Variants in KCNH7 observed in about 807,000 individuals in gnomAD.
KCNH7 encodes potassium voltage-gated channel subfamily H member 7.
Under a neutral mutation model 120.8 loss-of-function variants are expected in KCNH7, and 49 were observed. The ratio of observed to expected loss-of-function variants is 0.41; its 90% CI spans 0.32 to 0.51. The LOEUF (loss-of-function observed/expected upper bound fraction) is 0.51. Among genes scored for constraint, KCNH7 ranks in the 20% least tolerant of loss-of-function variants. The probability of loss-of-function intolerance (pLI) is 0.38; values close to 1 mark genes in which losing one functional copy is unlikely to be tolerated. For synonymous variants in KCNH7, 547 were observed against 516.1 expected (o/e 1.06, Z -0.81); for missense variants, 1,097 against 1,446.6 (o/e 0.76, Z 3.92).
chr2:162,789,773 GA>G (rs1683855300), intron 2 of KCNH7, among the ~76,000 whole-genome samples: 1 of 151,984 alleles, frequency 6.6e-6, no homozygotes, highest in Non-Finnish European at 1.5e-5. Flanking sequence ...AATCAGAGAA[GA>G]AAGCAAAAGA....
At chr2:162,785,052 G>A (rs755631273) in intron 2 of KCNH7, 1 of 152,200 alleles carries the variant, frequency 6.6e-6, no homozygotes, top group Admixed American at 6.5e-5. Flanking sequence ...TCATGGAGCT[G>A]TTTTGGAGGG....
At chr2:162,654,365 A>C (rs1375599793) in intron 2 of KCNH7, among the ~76,000 whole-genome samples, 5 of 152,092 alleles carry the variant, frequency 3.3e-5, no homozygotes. Flanking sequence ...TCAAAAAAAA[A>C]CATAGAAATG....
chr2:162,504,485 C>G lies in KCNH7; in HGVS notation c.1086G>C (p.Lys362Asn). The G allele has an allele frequency of 1.2e-6, 2 of 1,612,992 alleles. No individual in the cohort carries two copies. The highest frequency in any genetic ancestry group is 2.2e-5 in the South Asian group (2 of 91,056). Residue 362 changes from lysine (K) to asparagine (N), a missense_variant, in exon 6 of 16, where the codon AAG becomes AAC. Around this residue, in one of 8 missense-constraint regions of KCNH7, gnomAD observed 362 missense variants for 372.2 expected, o/e 0.97. Transcript: ENST00000332142. ...PSSDKTIIAP[K>N]VKDRTHNVTE... ...TCACATTGTGTGTTCGATCTTTAAC[C>G]TTGGGTGCAATAATGGTTTTATCTG... is the stretch of plus-strand genomic sequence containing the variant.
intron 6 of KCNH7, among the ~76,000 whole-genome samples, chr2:162,489,790 T>C (rs1690228223): frequency 6.6e-6 from 1 of 152,176 alleles, no homozygotes; most frequent in Non-Finnish European, 1.5e-5. Flanking sequence ...AAACATTGGA[T>C]AGGAATTTCT....
chr2:162,686,984 T>C (rs540803302), intron 2 of KCNH7, among the ~76,000 whole-genome samples: 6 of 152,258 alleles, frequency 3.9e-5, no homozygotes, highest in Admixed American at 6.6e-5. Context: ...TTGTGGCTGC[T>C]AACAGTCCCC....
chr2:162,447,786 C>A (rs1573969477), intron 6 of KCNH7, among the ~76,000 whole-genome samples: 1 of 151,886 alleles, frequency 6.6e-6, no homozygotes, highest in East Asian at 1.9e-4. Context: ...TATCTCGTAC[C>A]TTTTTATCCC....
At chr2:162,743,416 T>C in intron 2 of KCNH7, among the ~76,000 whole-genome samples, 1 of 151,960 alleles carries the variant, frequency 6.6e-6, no homozygotes, top group East Asian at 1.9e-4. Context: ...TAAATAAAAG[T>C]GACAAACCAG....
At chr2:162,800,820 C>G (rs542385454) in intron 2 of KCNH7, among the ~76,000 whole-genome samples, 1 of 151,990 alleles carries the variant, frequency 6.6e-6, no homozygotes, top group African/African-American at 2.4e-5. Context: ...GCAGAACTCC[C>G]ACCTTTAGAG....
chr2:162,827,676 T>C (rs1034002949), intron 2 of KCNH7, among the ~76,000 whole-genome samples: 5 of 152,206 alleles, frequency 3.3e-5, no homozygotes, highest in Non-Finnish European at 7.3e-5. Flanking sequence ...AAATACAGAA[T>C]AGAGTAGGTT....
intron 6 of KCNH7, among the ~76,000 whole-genome samples, chr2:162,472,250 A>G (rs1689569004): frequency 1.3e-5 from 2 of 152,238 alleles, no homozygotes; most frequent in African/African-American, 4.8e-5. Context: ...GATCTAATTA[A>G]ACTAAAGAGC....
intron 6 of KCNH7, among the ~76,000 whole-genome samples, chr2:162,484,960 T>G (rs1690047401): frequency 6.6e-6 from 1 of 152,144 alleles, no homozygotes; most frequent in Non-Finnish European, 1.5e-5. Flanking sequence ...AGCGAATAAA[T>G]TTTTTTAAAA....
chr2:162,490,190 G>A (rs770613196), intron 6 of KCNH7, among the ~76,000 whole-genome samples: 51 of 152,234 alleles, frequency 3.4e-4, no homozygotes, highest in Non-Finnish European at 6.3e-4. Context: ...TGCACAGGAA[G>A]ATTGCCCAAA....
chr2:162,508,712 A>G (rs1251813370), intron 5 of KCNH7, among the ~76,000 whole-genome samples: 6 of 151,534 alleles, frequency 4.0e-5, no homozygotes, highest in Non-Finnish European at 8.9e-5. Context: ...ATAAAGGACC[A>G]GAATGCAGGG....
intron 5 of KCNH7, among the ~76,000 whole-genome samples, chr2:162,511,843 T>C (rs922911418): frequency 2.0e-5 from 3 of 151,734 alleles, no homozygotes; most frequent in Non-Finnish European, 4.4e-5. Flanking sequence ...GCAACACACA[T>C]GCACAAAATA....
intron 2 of KCNH7, among the ~76,000 whole-genome samples, chr2:162,779,354 C>G (rs1378256435): frequency 6.6e-6 from 1 of 152,012 alleles, no homozygotes; most frequent in Non-Finnish European, 1.5e-5. Flanking sequence ...GCATGTGCCA[C>G]CAAGCCCAGC....
At chr2:162,524,201 G>A (rs1574062223) in intron 3 of KCNH7, among the ~76,000 whole-genome samples, 1 of 152,004 alleles carries the variant, frequency 6.6e-6, no homozygotes, top group South Asian at 2.1e-4. Flanking sequence ...AAATGGAGCT[G>A]AAGCATCGGC....
chr2:162,539,690 A>C (rs1472468829), intron 2 of KCNH7, among the ~76,000 whole-genome samples: 1 of 152,092 alleles, frequency 6.6e-6, no homozygotes, highest in Non-Finnish European at 1.5e-5. Flanking sequence ...AAATGTAATT[A>C]ATCTGGGATT....
intron 2 of KCNH7, among the ~76,000 whole-genome samples, chr2:162,794,482 A>ATT (rs1684067937): frequency 6.6e-6 from 1 of 152,070 alleles, no homozygotes; most frequent in Non-Finnish European, 1.5e-5. Flanking sequence ...TGGAGAAACT[A>ATT]TTAGAGCTGT....
In KCNH7 at chr2:162,373,458, A is replaced by G. The variant is rs1576314518; in HGVS notation, c.3324+12T>C. On this transcript the variant is annotated intron_variant, in intron 15 of 15. Transcript: ENST00000332142. ...TGAGAGACACTCTTGGTTGGATGGT[A>G]TCCACACTTACTTGTGAGGAAGGGC... 1 of 1,500,546 alleles carries G rather than the reference A, an allele frequency of 6.7e-7. No individual in the cohort carries two copies. Among genetic ancestry groups the G allele is most frequent in the Non-Finnish European group, 8.9e-7 (1 of 1,119,080 alleles). 93.0% of individuals were successfully genotyped at this position (1,500,546 alleles called of 1,614,324 possible).
Sources: allele counts gnomAD v4.1 joint callset (sites outside exome capture counted in the v4.1 genomes callset), GRCh38; gene constraint gnomAD v4.1.1; regional missense constraint gnomAD v4.1.1; transcripts MANE v1.5; gene names NCBI Gene and HGNC (gene_info 2026-07-23, HGNC 2026-07-21).